PAX5: variants seen among roughly 807,000 people sequenced by gnomAD.
PAX5 encodes the protein paired box 5, also known as paired box protein Pax-5.
PAX5 carries 9 observed loss-of-function variants against 43.7 expected under a neutral mutation model. The ratio of observed to expected loss-of-function variants is 0.21; its 90% CI spans 0.12 to 0.36. PAX5 has a LOEUF of 0.36. PAX5 is among the 10% of genes least tolerant of loss of function. PAX5 has a pLI of 1.00. For missense variants in PAX5, 383 were observed against 532.7 expected, an observed-to-expected ratio of 0.72 and a Z score of 2.77; for synonymous variants, 228 against 214.3, an observed-to-expected ratio of 1.06 and a Z score of -0.56.
At chr9:36,876,858 T>C (rs1407260070) in intron 8 of PAX5, among the ~76,000 whole-genome samples, 1 of 152,166 alleles carries the variant, frequency 6.6e-6, no homozygotes, top group Admixed American at 6.5e-5. Flanking sequence ...AGCAGACAAC[T>C]CTGATGATGG....
intron 1 of PAX5, 101 bp from the exon 2 acceptor site, chr9:37,020,902 T>C: frequency 7.9e-7 from 1 of 1,271,928 alleles, no homozygotes; most frequent in South Asian, 1.4e-5. Context: ...TGATCACAAA[T>C]GGCCGGCAGG....
chr9:36,862,918 G>GGGGCAGGCA (rs908019040), intron 8 of PAX5, among the ~76,000 whole-genome samples: 20 of 152,298 alleles, frequency 1.3e-4, no homozygotes, highest in Admixed American at 3.3e-4. Flanking sequence ...ACAGACCAAG[G>GGGGCAGGCA]GGGCAGGCAG....
chr9:36,990,199 C>T (rs909158068), intron 5 of PAX5, among the ~76,000 whole-genome samples: 1 of 152,190 alleles, frequency 6.6e-6, no homozygotes, highest in African/African-American at 2.4e-5. Context: ...GAGCACTTTA[C>T]ATGCATAATC....
chr9:37,011,821 C>T (rs984981512), intron 3 of PAX5, among the ~76,000 whole-genome samples: 2 of 152,116 alleles, frequency 1.3e-5, no homozygotes, highest in African/African-American at 2.4e-5. Context: ...TCACTCCCTC[C>T]CCAGCTGTTT....
chr9:36,848,350 C>CCCCACACACACACA (rs1554646826), intron 8 of PAX5, among the ~76,000 whole-genome samples: 2 of 136,364 alleles, frequency 1.5e-5, no homozygotes, highest in African/African-American at 5.7e-5. Flanking sequence ...CAGAGCGTGT[C>CCCCACACACACACA]CACACACACA....
chr9:36,980,018 C>G (rs1276585874), intron 5 of PAX5, among the ~76,000 whole-genome samples: 4 of 152,180 alleles, frequency 2.6e-5, no homozygotes, highest in Non-Finnish European at 4.4e-5. Flanking sequence ...CAATGCCTCC[C>G]TAATTTATGT....
intron 8 of PAX5, among the ~76,000 whole-genome samples, chr9:36,860,424 C>T (rs1435811124): frequency 1.3e-5 from 2 of 152,114 alleles, no homozygotes; most frequent in East Asian, 3.9e-4. Flanking sequence ...TCGGAGTAAG[C>T]GGGGGGAGGC....
intron 7 of PAX5, among the ~76,000 whole-genome samples, chr9:36,906,719 T>C (rs1252325370): frequency 6.6e-6 from 1 of 152,222 alleles, no homozygotes; most frequent in Non-Finnish European, 1.5e-5. Flanking sequence ...GCCCCTCTGC[T>C]GGGGACCCCT....
chr9:36,851,503 T>C (rs1396552889), intron 8 of PAX5, among the ~76,000 whole-genome samples: 1 of 152,118 alleles, frequency 6.6e-6, no homozygotes, highest in Non-Finnish European at 1.5e-5. Context: ...GGCTGAAGAA[T>C]GTCCCGAGAA....
intron 8 of PAX5, among the ~76,000 whole-genome samples, chr9:36,869,919 G>GATGGATGGATGGATAA (rs1563914723): frequency 1.6e-4 from 23 of 142,220 alleles, no homozygotes; most frequent in Middle Eastern, 3.7e-3. Context: ...TGGATGGATG[G>GATGGATGGATGGATAA]ATGGATGGAT....
intron 7 of PAX5, among the ~76,000 whole-genome samples, chr9:36,904,514 G>A (rs952843471): frequency 2.0e-5 from 3 of 152,000 alleles, no homozygotes; most frequent in African/African-American, 7.3e-5. Flanking sequence ...ATGATCTCAG[G>A]GTGGGAGTAG....
chr9:37,032,821 A>G (rs999162742), intron 1 of PAX5, among the ~76,000 whole-genome samples: 2 of 152,230 alleles, frequency 1.3e-5, no homozygotes, highest in African/African-American at 4.8e-5. Context: ...CCTCTCAGAC[A>G]TAAACACATC....
chr9:36,928,205 C>A (rs1400158894), intron 6 of PAX5, among the ~76,000 whole-genome samples: 1 of 152,236 alleles, frequency 6.6e-6, no homozygotes, highest in African/African-American at 2.4e-5. Context: ...TTAAAGGCAA[C>A]TGCATTCTCC....
chr9:36,955,621 A>G (rs1430552972), intron 6 of PAX5, among the ~76,000 whole-genome samples: 2 of 151,974 alleles, frequency 1.3e-5, no homozygotes, highest in East Asian at 1.9e-4. Context: ...TTGTCTCAAC[A>G]TCAGCATCAA....
intron 7 of PAX5, among the ~76,000 whole-genome samples, chr9:36,920,610 C>G (rs1830088519): frequency 6.6e-6 from 1 of 152,106 alleles, no homozygotes; most frequent in Non-Finnish European, 1.5e-5. Flanking sequence ...ATGCGTGGGA[C>G]CAGAAGTGTT....
chr9:37,034,175 C>A lies in PAX5; in HGVS notation c.-144G>T. The stretch of plus-strand genomic sequence containing the variant: ...CGGAATAATTCAAGCCTTCCGCTCC[C>A]CCGCCGAGCTGGGGTAGCTGATCAC... On this transcript the variant is annotated 5_prime_UTR_variant, in exon 1 of 10. Coordinates refer to ENST00000358127, the MANE Select transcript of PAX5 (RefSeq NM_016734.3). The A allele has an allele frequency of 1.6e-6, 1 of 618,068 alleles. No homozygotes were observed. The highest frequency in any genetic ancestry group is 2.1e-5 in the South Asian group (1 of 48,252). 38.3% of individuals were successfully genotyped at this position (618,068 alleles called of 1,614,324 possible).
At chr9:36,949,290 G>C (rs575046402) in intron 6 of PAX5, among the ~76,000 whole-genome samples, 1 of 152,134 alleles carries the variant, frequency 6.6e-6, no homozygotes, top group South Asian at 2.1e-4. Flanking sequence ...TCGATCTCCT[G>C]ACCTCATGAT....
intron 9 of PAX5, 92 bp downstream of exon 9, chr9:36,846,751 C>T (rs574282624): frequency 2.3e-6 from 2 of 852,024 alleles, no homozygotes; most frequent in Non-Finnish European, 3.8e-6. Flanking sequence ...AGTGACCAGA[C>T]CTCAGGATGT....
Position 36,966,681 on chromosome 9 carries a change from G to T in PAX5, c.648C>A (p.Gly216=), listed in dbSNP as rs1407973594. The T allele has an allele frequency of 1.2e-6, 2 of 1,614,204 alleles. No individual in the cohort carries two copies. The highest frequency in any genetic ancestry group is 8.5e-7 in the Non-Finnish European group (1 of 1,180,024). The change falls in exon 6 of 10, where the codon GGC becomes GGA. Residue 216 remains glycine, a synonymous_variant. Transcript: ENST00000358127. The part of the protein sequence containing the change: ...SPVPNGHSLP[G]RDFLRKQMRG... ...GCATCTGCTTCCGGAGGAAGTCTCT[G>T]CCCGGAAGCGAGTGGCCGTTCGGCA...
Sources: allele counts gnomAD v4.1 joint callset (sites outside exome capture counted in the v4.1 genomes callset), GRCh38; gene constraint gnomAD v4.1.1; transcripts MANE v1.5; gene names NCBI Gene and HGNC (gene_info 2026-07-23, HGNC 2026-07-21).